Variants in EHBP1L1 observed in about 807,000 individuals in gnomAD.
EHBP1L1 encodes the protein EH domain binding protein 1 like 1, also known as EH domain-binding protein 1-like protein 1.
EHBP1L1 carries 122 observed loss-of-function variants against 151.1 expected under a neutral mutation model. The observed-to-expected ratio is 0.81, with a 90% CI of 0.70 to 0.94. The LOEUF (loss-of-function observed/expected upper bound fraction) is 0.94, where lower values mean the gene tolerates loss of function less well. Ranked by LOEUF, EHBP1L1 falls within the 40% of genes least tolerant of loss-of-function variation. EHBP1L1 has a pLI of 0.00. For synonymous variants in EHBP1L1, 878 were observed against 810.1 expected (o/e 1.08, Z -1.42); for missense variants, 1,941 against 1,959.8 (o/e 0.99, Z 0.18).
At chr11:65,580,309 A>T (rs1857535193) in intron 5 of EHBP1L1, 28 bp from the exon 6 acceptor site, 1 of 1,613,132 alleles carries the variant, frequency 6.2e-7, no homozygotes, top group African/African-American at 1.3e-5. Flanking sequence ...CTCTGACTCC[A>T]CCCTCACCTT....
At position 65,576,333 on chromosome 11, in the gene EHBP1L1, G is replaced by T. The variant is rs1374394184; in HGVS notation, c.31G>T (p.Val11Leu). Residue 11 changes from valine to leucine, a missense_variant, in exon 1 of 19, where the codon GTG becomes TTG. Val to Leu is a conservative substitution (Grantham distance 32). Transcript: ENST00000309295. ...CTCGGTGTGGAAGCGCCTGCAGCGC[G>T]TGGGCAAGCGGGCGGCCAAGTTCCA... MTSVWKRLQRVGKRAAKFQFV... is the reference protein window; with the variant it reads MTSVWKRLQRLGKRAAKFQFV... The T allele has an allele frequency of 1.9e-6, 3 of 1,598,454 alleles. No homozygotes were observed. Among genetic ancestry groups the T allele is most frequent in the Non-Finnish European group, 2.6e-6 (3 of 1,173,376 alleles).
Position 65,590,119 on chromosome 11 carries a change from T to A in EHBP1L1, c.4092T>A (p.Cys1364Ter), listed in dbSNP as rs747813529. ...TCCAGGACACAAGTCAGTACGTGTG[T>A]GCAGAGCTGCAGGCCCTGGAACAGG... ...QRFQDTSQYV[C>*]AELQALEQEQ... The change falls in exon 15 of 19, where the codon TGT becomes TGA. Residue 1364 changes from cysteine to a stop codon, truncating the protein, a stop_gained. Coordinates refer to ENST00000309295, the MANE Select transcript of EHBP1L1 (RefSeq NM_001099409.3). LOFTEE classifies it high-confidence loss of function. 2 of 1,613,738 alleles carry A rather than the reference T, an allele frequency of 1.2e-6. No individual in the cohort carries two copies. Among genetic ancestry groups the A allele is most frequent in the Non-Finnish European group, 1.7e-6 (2 of 1,179,818 alleles).
rs1391992471 is a variant in EHBP1L1, at chr11:65,579,376, C to G, written c.198C>G (p.Tyr66Ter). Residue 66 changes from tyrosine to a stop codon, truncating the protein, a stop_gained, in exon 3 of 19, where the codon TAC (tyrosine) becomes TAG (stop). Coordinates refer to ENST00000309295, the MANE Select transcript of EHBP1L1 (RefSeq NM_001099409.3). LOFTEE classifies it high-confidence loss of function. The stretch of plus-strand genomic sequence containing the variant: ...GGCAGCCGGGCATCCAGAACCCATA[C>G]CGGGGCACCGTGGTGTGGATGGTAC... The part of the protein sequence containing the change: ...HSWQPGIQNP[Y>*]RGTVVWMVPE... The G allele has an allele frequency of 6.3e-7, 1 of 1,576,864 alleles. No individual in the cohort carries two copies.
chr11:65,580,510 T>C, intron 6 of EHBP1L1, 31 bp downstream of exon 6: 1 of 1,600,302 alleles, frequency 6.2e-7, no homozygotes, highest in East Asian at 2.2e-5. Context: ...GGATCGAGAC[T>C]GCCAAGACCT....
intron 15 of EHBP1L1, 84 bp from the exon 16 acceptor site, chr11:65,590,409 G>A: frequency 6.5e-7 from 1 of 1,537,026 alleles, no homozygotes; most frequent in Non-Finnish European, 8.8e-7. Context: ...TCACAAGGGA[G>A]CAAACCCCCT....
At chr11:65,588,219 C>T (rs141095307) in intron 12 of EHBP1L1, among the ~76,000 whole-genome samples, 3 of 152,160 alleles carry the variant, frequency 2.0e-5, no homozygotes, top group East Asian at 1.9e-4. Context: ...TGGGCTGGGT[C>T]GTGGAGGTCA....
intron 12 of EHBP1L1, among the ~76,000 whole-genome samples, chr11:65,588,423 C>G (rs554824515): frequency 2.6e-5 from 4 of 152,214 alleles, no homozygotes; most frequent in Non-Finnish European, 5.9e-5. Flanking sequence ...ACAGTTACAC[C>G]GGGGGTGAAG....
chr11:65,584,192 G>A lies in EHBP1L1; in HGVS notation c.3094-49G>A, dbSNP rs369473775. On this transcript the variant is annotated intron_variant, in intron 9 of 18. Coordinates refer to ENST00000309295, the MANE Select transcript of EHBP1L1 (RefSeq NM_001099409.3). ...GCATGAGCTTCCCCAAGAGGCAGAG[G>A]GCATACATCCCATTTATACATTCCC... The A allele has an allele frequency of 4.9e-5, 78 of 1,579,752 alleles. 1 individual carries two copies. The South Asian group carries it at 8.0e-4, about 16-fold the overall frequency.
chr11:65,583,828 C>G, intron 9 of EHBP1L1, 63 bp downstream of exon 9: 1 of 1,436,014 alleles, frequency 7.0e-7, no homozygotes, highest in Non-Finnish European at 9.1e-7. Flanking sequence ...GCTGAGCGAA[C>G]GGCGGCTCTG....
Position 65,589,918 on chromosome 11 carries a change from C to T in EHBP1L1, c.4004-18C>T. 6.5e-7 allele frequency: 1 copy of T among 1,547,738 alleles called. No homozygotes were observed. Among genetic ancestry groups the T allele is most frequent in the East Asian group, 2.3e-5 (1 of 43,216 alleles). The stretch of plus-strand genomic sequence containing the variant: ...GGGTGGTGGTTAGGGGGTGCCTTAT[C>T]ATCATCTCTGTCTGCAGGTGGGAGT... On this transcript the variant is annotated intron_variant, in intron 13 of 18. Transcript: ENST00000309295.
chr11:65,592,136 T>TG (rs1565136114), intron 18 of EHBP1L1, 46 bp downstream of exon 18: 12 of 1,610,368 alleles, frequency 7.5e-6, no homozygotes, highest in Non-Finnish European at 1.0e-5. Flanking sequence ...GTCCGGGACT[T>TG]GCTCCCGCAG....
chr11:65,579,259 G>A, intron 2 of EHBP1L1, 82 bp from the exon 3 acceptor site: 1 of 1,494,764 alleles, frequency 6.7e-7, no homozygotes, highest in Middle Eastern at 1.7e-4. Flanking sequence ...GGGAGGGGAA[G>A]ATGGTGTCAA....
chr11:65,585,502 C>T lies in EHBP1L1; in HGVS notation c.3844C>T (p.Leu1282=), dbSNP rs775103367. Residue 1282 remains leucine (L), a synonymous_variant, in exon 12 of 19, where the codon CTG becomes TTG. Transcript: ENST00000309295. This position sits in a 1 kb window ranked among gnomAD's most constrained non-coding sequence, Gnocchi z 4.0. ...GSFSHVRDAD[L]LKKRRSRLRN... is the part of the protein sequence containing the mutation. ...CTTCTCCCACGTGCGCGACGCGGACCTGCTCAAGAAGAGGCGCTCGCGGCT... is the reference window on the plus strand; with the variant it reads ...CTTCTCCCACGTGCGCGACGCGGACTTGCTCAAGAAGAGGCGCTCGCGGCT... 4.5e-6 allele frequency: 7 copies of T among 1,560,860 alleles called. No homozygotes were observed. Among genetic ancestry groups the T allele is most frequent in the Middle Eastern group, 1.7e-4 (1 of 6,014 alleles).
At position 65,583,345 on chromosome 11, in the gene EHBP1L1, T is replaced by C. The variant is rs776034700; in HGVS notation, c.2673T>C (p.Thr891=). 6.2e-7 allele frequency: 1 copy of C among 1,613,370 alleles called. No homozygotes were observed. Among genetic ancestry groups the C allele is most frequent in the South Asian group, 1.1e-5 (1 of 91,058 alleles). Residue 891 remains threonine (T), a synonymous_variant, in exon 9 of 19, where the codon ACT becomes ACC. Coordinates refer to ENST00000309295, the MANE Select transcript of EHBP1L1 (RefSeq NM_001099409.3). ...CTTCGGGGGTCCAGGAAGCAGAGACTAGAGTTGGGAGTGCTCTCAAATATG... is the reference window on the plus strand; with the variant it reads ...CTTCGGGGGTCCAGGAAGCAGAGACCAGAGTTGGGAGTGCTCTCAAATATG... The part of the protein sequence containing the change: ...AQTSGVQEAE[T]RVGSALKYEA...
rs1313902958 is a variant in EHBP1L1, at chr11:65,591,785, C to T, written c.4284-15C>T. On this transcript the variant is annotated splice_polypyrimidine_tract_variant and intron_variant, in intron 16 of 18. Transcript: ENST00000309295. ...ACTGCCACCCCCCCGCCACCCACCC[C>T]CCGCCACCTTCCAGCATGGAGGAGC... 1.3e-6 allele frequency: 2 copies of T among 1,524,112 alleles called. No individual in the cohort carries two copies. Among genetic ancestry groups the T allele is most frequent in the Non-Finnish European group, 1.8e-6 (2 of 1,126,162 alleles). 94.4% of individuals were successfully genotyped at this position (1,524,112 alleles called of 1,614,324 possible).
In EHBP1L1 at chr11:65,585,207, C is replaced by G. The variant is rs965247184; in HGVS notation, c.3549C>G (p.Arg1183=). 2.6e-6 allele frequency: 3 copies of G among 1,172,568 alleles called. No homozygotes were observed. Among genetic ancestry groups the G allele is most frequent in the Middle Eastern group, 3.6e-4 (1 of 2,792 alleles). 72.6% of individuals were successfully genotyped at this position (1,172,568 alleles called of 1,614,324 possible). A position where few individuals can be genotyped will look rare whatever the true frequency, so the allele number is the denominator to read the frequency against. The change falls in exon 12 of 19, where the codon CGC becomes CGG. Residue 1183 remains arginine (R), a synonymous_variant. Coordinates refer to ENST00000309295, the MANE Select transcript of EHBP1L1 (RefSeq NM_001099409.3). This position sits in a 1 kb window ranked among gnomAD's most constrained non-coding sequence, Gnocchi z 4.0. ...LDAGGLAQRL[R]GHGAEGPQEP... ...CCGGAGGCCTGGCGCAGCGGCTGCG[C>G]GGTCACGGGGCCGAGGGGCCCCAGG...
chr11:65,580,481 T>C lies in EHBP1L1; in HGVS notation c.634+2T>C. 6.2e-7 allele frequency: 1 copy of C among 1,610,984 alleles called. No homozygotes were observed. ...CCCGGGCTCGAGTCCCCCAGCCAGG[T>C]GGGCTCACAGCCTGCTGTGGATCGA... On this transcript the variant is annotated splice_donor_variant, in intron 6 of 18. Transcript: ENST00000309295. LOFTEE classifies it high-confidence loss of function.
intron 12 of EHBP1L1, among the ~76,000 whole-genome samples, chr11:65,586,634 T>C (rs1056670152): frequency 5.9e-5 from 9 of 152,098 alleles, no homozygotes; most frequent in Non-Finnish European, 1.0e-4. Context: ...TCCCGGAAGG[T>C]CCATAAGTGG....
chr11:65,580,425 G>A lies in EHBP1L1; in HGVS notation c.580G>A (p.Asp194Asn). The part of the protein sequence containing the change: ...NLDDFAESDE[D>N]EAHGPGAPEA... ...GGATGACTTTGCTGAGAGTGATGAA[G>A]ATGAGGCTCATGGCCCAGGAGCCCC... Residue 194 changes from aspartate to asparagine, a missense_variant, in exon 6 of 19, where the codon GAT (aspartate) becomes AAT (asparagine). Transcript: ENST00000309295. 1 of 1,613,666 alleles carries A rather than the reference G, an allele frequency of 6.2e-7. No individual in the cohort carries two copies. Among genetic ancestry groups the A allele is most frequent in the Non-Finnish European group, 8.5e-7 (1 of 1,179,852 alleles).
Sources: allele counts gnomAD v4.1 joint callset (sites outside exome capture counted in the v4.1 genomes callset), GRCh38; gene constraint gnomAD v4.1.1; non-coding constraint Gnocchi (gnomAD v3.1); transcripts MANE v1.5; gene names NCBI Gene and HGNC (gene_info 2026-07-23, HGNC 2026-07-21).